ABCC8: variants seen among roughly 807,000 people sequenced by gnomAD.
ABCC8 encodes the protein ATP binding cassette subfamily C member 8, also known as ATP-binding cassette sub-family C member 8.
ABCC8 carries 137 observed loss-of-function variants against 188.0 expected under a neutral mutation model. That is an observed-to-expected ratio of 0.73 (90% CI 0.63 to 0.84). ABCC8 has a LOEUF of 0.84. Ranked by LOEUF, ABCC8 falls within the 40% of genes least tolerant of loss-of-function variation. The pLI, the probability that ABCC8 is intolerant of heterozygous loss-of-function variation, is 0.00. For synonymous variants in ABCC8, 797 were observed against 846.5 expected, an observed-to-expected ratio of 0.94 and a Z score of 1.01; for missense variants, 1,750 against 2,072.7, an observed-to-expected ratio of 0.84 and a Z score of 3.02.
intron 28 of ABCC8, among the ~76,000 whole-genome samples, chr11:17,403,263 T>A: frequency 6.6e-6 from 1 of 152,206 alleles, no homozygotes; most frequent in East Asian, 1.9e-4. Flanking sequence ...GAGGTTTCCA[T>A]GGCAACAGAA....
At chr11:17,398,206 T>G in intron 30 of ABCC8, 133 bp downstream of exon 30, 1 of 1,218,744 alleles carries the variant, frequency 8.2e-7, no homozygotes. Context: ...CCACCAGGGC[T>G]GGGGGAAGCA....
intron 10 of ABCC8, among the ~76,000 whole-genome samples, chr11:17,438,155 G>A (rs1003276810): frequency 3.3e-5 from 5 of 152,160 alleles, no homozygotes; most frequent in Non-Finnish European, 7.3e-5. Flanking sequence ...AGGGGCACCA[G>A]GTCTCCAGGT....
intron 3 of ABCC8, 73 bp downstream of exon 3, chr11:17,470,028 T>A (rs1591915819): frequency 7.0e-6 from 11 of 1,571,336 alleles, no homozygotes; most frequent in African/African-American, 1.4e-5. Context: ...AGCTGGCACA[T>A]AATGAGTCCT....
chr11:17,476,648 G>A lies in ABCC8; in HGVS notation c.129C>T (p.Thr43=), dbSNP rs539330534. ...ACTCACCAATGAAGAGGATGGGGAA[G>A]GTGATGAAGAGTAGGAAGACGTGCG... ...VVPHVFLLFI[T]FPILFIGWGS... The change falls in exon 1 of 39, where the codon ACC becomes ACT. Residue 43 remains threonine (T), a synonymous_variant. Coordinates refer to ENST00000389817, the MANE Select transcript of ABCC8 (RefSeq NM_000352.6). 6.2e-7 allele frequency: 1 copy of A among 1,612,238 alleles called. No individual in the cohort carries two copies. The highest frequency in any genetic ancestry group is 1.3e-5 in the African/African-American group (1 of 74,944).
intron 23 of ABCC8, 143 bp from the exon 24 acceptor site, chr11:17,407,596 C>G: frequency 1.4e-6 from 2 of 1,445,230 alleles, no homozygotes; most frequent in Non-Finnish European, 1.9e-6. Flanking sequence ...GACAGACACA[C>G]ATTCATCTTG....
At chr11:17,473,305 G>A (rs1173358556) in intron 2 of ABCC8, among the ~76,000 whole-genome samples, 1 of 152,148 alleles carries the variant, frequency 6.6e-6, no homozygotes, top group South Asian at 2.1e-4. Context: ...ACGTGCTTGT[G>A]TAGCAGTATG....
intron 8 of ABCC8, among the ~76,000 whole-genome samples, chr11:17,446,139 T>G (rs1026522254): frequency 7.2e-5 from 11 of 152,038 alleles, no homozygotes; most frequent in African/African-American, 2.7e-4. Context: ...CTAATTTTTG[T>G]ATTTTTAGTA....
At chr11:17,472,730 AG>A (rs1848547896) in intron 2 of ABCC8, among the ~76,000 whole-genome samples, 1 of 152,190 alleles carries the variant, frequency 6.6e-6, no homozygotes, top group Non-Finnish European at 1.5e-5. Flanking sequence ...CACACACAGG[AG>A]GGGCTGCTGA....
At chr11:17,414,429 G>A (rs1449783853) in intron 19 of ABCC8, 83 bp downstream of exon 19, 19 of 1,563,074 alleles carry the variant, frequency 1.2e-5, no homozygotes, top group East Asian at 4.5e-5. Flanking sequence ...GTGGGTGATC[G>A]ATGGAGGGGC....
intron 23 of ABCC8, among the ~76,000 whole-genome samples, chr11:17,407,798 C>T (rs1591747228): frequency 6.6e-6 from 1 of 152,190 alleles, no homozygotes; most frequent in East Asian, 1.9e-4. Flanking sequence ...GGGCACATGA[C>T]CAAACTGGAC....
chr11:17,436,139 G>A (rs561805147), intron 10 of ABCC8: 90 of 769,512 alleles, frequency 1.2e-4, no homozygotes, highest in Non-Finnish European at 2.0e-4. Context: ...AAGTGGGCTC[G>A]GAGGCAATGA....
chr11:17,415,468 C>A, intron 17 of ABCC8, 129 bp from the exon 18 acceptor site: 1 of 1,535,484 alleles, frequency 6.5e-7, no homozygotes, highest in Non-Finnish European at 8.8e-7. Flanking sequence ...TCTGTAGCCA[C>A]AAATGCTGCA....
chr11:17,430,756 C>T (rs898587261), intron 12 of ABCC8, 58 bp downstream of exon 12: 3 of 1,576,034 alleles, frequency 1.9e-6, no homozygotes, highest in Non-Finnish European at 2.6e-6. Context: ...CTCGAGCAAG[C>T]CTTGAGGCTG....
At chr11:17,472,997 TC>T (rs1848563400) in intron 2 of ABCC8, among the ~76,000 whole-genome samples, 1 of 152,190 alleles carries the variant, frequency 6.6e-6, no homozygotes, top group African/African-American at 2.4e-5. Context: ...GCCTCTTTAC[TC>T]CTTGAAATAA....
At chr11:17,444,597 C>T (rs917674747) in intron 8 of ABCC8, among the ~76,000 whole-genome samples, 1 of 152,194 alleles carries the variant, frequency 6.6e-6, no homozygotes, top group African/African-American at 2.4e-5. Context: ...ACTCCTTGGT[C>T]CATTACTCTC....
chr11:17,406,768 A>G lies in ABCC8; in HGVS notation c.3183T>C (p.Thr1061=), dbSNP rs752455002. 1.2e-6 allele frequency: 2 copies of G among 1,614,244 alleles called. No individual in the cohort carries two copies. The highest frequency in any genetic ancestry group is 3.3e-5 in the Admixed American group (2 of 60,034). Residue 1061 remains threonine (T), a synonymous_variant, in exon 26 of 39, where the codon ACT becomes ACC. Transcript: ENST00000389817. ...GCACCGTGAACACCATGGCATAGAC[A>G]GTCTGGTCGAGGGTGCACTCCTTCA... ...SLSQECTLDQ[T]VYAMVFTVLC...
chr11:17,423,265 G>A (rs1955431321), intron 16 of ABCC8, among the ~76,000 whole-genome samples: 1 of 146,160 alleles, frequency 6.8e-6, no homozygotes, highest in Non-Finnish European at 1.5e-5. Context: ...GCTGAAGCAG[G>A]AGAATCGCTT....
chr11:17,475,050 G>A, intron 1 of ABCC8, 23 bp from the exon 2 acceptor site: 1 of 1,613,914 alleles, frequency 6.2e-7, no homozygotes, highest in Non-Finnish European at 8.5e-7. Context: ...ACAGTCAGAG[G>A]CAGGATGCCT....
intron 16 of ABCC8, among the ~76,000 whole-genome samples, chr11:17,420,185 C>T (rs544019422): frequency 3.3e-5 from 5 of 152,300 alleles, no homozygotes; most frequent in Admixed American, 1.3e-4. Flanking sequence ...TTCATCCTGC[C>T]CAGACAGGCT....
Sources: allele counts gnomAD v4.1 joint callset (sites outside exome capture counted in the v4.1 genomes callset), GRCh38; gene constraint gnomAD v4.1.1; transcripts MANE v1.5; gene names NCBI Gene and HGNC (gene_info 2026-07-23, HGNC 2026-07-21).